CADPS2: variants seen among roughly 807,000 people sequenced by gnomAD.
CADPS2 encodes the protein calcium dependent secretion activator 2.
CADPS2 carries 93 observed loss-of-function variants against 172.5 expected under a neutral mutation model. The observed-to-expected ratio is 0.54, with a 90% CI of 0.46 to 0.64. The LOEUF (loss-of-function observed/expected upper bound fraction) is 0.64, where lower values mean the gene tolerates loss of function less well. Ranked by LOEUF, CADPS2 falls within the 30% of genes least tolerant of loss-of-function variation. The pLI, the probability that CADPS2 is intolerant of heterozygous loss-of-function variation, is 0.00. For missense variants in CADPS2, 1,420 were observed against 1,565.9 expected (o/e 0.91, Z 1.57); for synonymous variants, 546 against 555.2 (o/e 0.98, Z 0.23).
chr7:122,631,826 G>T (rs539899182), intron 3 of CADPS2, among the ~76,000 whole-genome samples: 266 of 152,146 alleles, frequency 1.7e-3, no homozygotes, highest in Middle Eastern at 3.4e-3. Flanking sequence ...GTATCCAATA[G>T]GTAGTTTTTC....
chr7:122,736,918 G>T (rs757120545), intron 2 of CADPS2, 37 bp downstream of exon 2: 4 of 1,019,230 alleles, frequency 3.9e-6, no homozygotes, highest in Non-Finnish European at 6.1e-6. Context: ...CTTTTAAAAT[G>T]CATCGGAAAG....
At chr7:122,430,941 G>C (rs757627943) in intron 17 of CADPS2, among the ~76,000 whole-genome samples, 1 of 152,196 alleles carries the variant, frequency 6.6e-6, no homozygotes, top group Non-Finnish European at 1.5e-5. Context: ...GCAGCACACT[G>C]AATTACAAAA....
At chr7:122,869,730 G>A (rs1819260068) in intron 1 of CADPS2, among the ~76,000 whole-genome samples, 1 of 152,016 alleles carries the variant, frequency 6.6e-6, no homozygotes. Flanking sequence ...CTAGTATGAA[G>A]ATTAAAAGCC....
intron 28 of CADPS2, among the ~76,000 whole-genome samples, chr7:122,340,625 G>A (rs2036622842): frequency 6.6e-6 from 1 of 152,140 alleles, no homozygotes; most frequent in South Asian, 2.1e-4. Flanking sequence ...CTGAAGAAAT[G>A]TACCAGGATC....
intron 2 of CADPS2, among the ~76,000 whole-genome samples, chr7:122,694,739 C>G (rs1004325981): frequency 1.3e-5 from 2 of 152,088 alleles, no homozygotes; most frequent in African/African-American, 4.8e-5. Flanking sequence ...CTTTATTTTT[C>G]ATCATTAAGA....
chr7:122,624,975 G>A (rs565529004), intron 4 of CADPS2, among the ~76,000 whole-genome samples: 11 of 152,148 alleles, frequency 7.2e-5, no homozygotes, highest in South Asian at 4.1e-4. Flanking sequence ...AGCTTTAAAC[G>A]GGGTGGTAGG....
At chr7:122,407,853 T>C in intron 19 of CADPS2, 157 bp from the exon 20 acceptor site, 1 of 645,640 alleles carries the variant, frequency 1.5e-6, no homozygotes, top group Non-Finnish European at 2.6e-6. Flanking sequence ...AAAAATTTTA[T>C]AGGTACACAT....
intron 9 of CADPS2, among the ~76,000 whole-genome samples, chr7:122,499,958 A>G (rs186609135): frequency 3.3e-4 from 50 of 152,272 alleles, no homozygotes; most frequent in Non-Finnish European, 4.4e-5. Context: ...GAGAGAGATG[A>G]AGGGCATGGG....
chr7:122,727,994 T>TGCCACAGCCTGCCA (rs2091277061), intron 2 of CADPS2, among the ~76,000 whole-genome samples: 1 of 151,914 alleles, frequency 6.6e-6, no homozygotes, highest in South Asian at 2.1e-4. Flanking sequence ...TATCTCCTCT[T>TGCCACAGCCTGCCA]GCCACAGCCT....
chr7:122,863,668 A>G (rs551533894), intron 1 of CADPS2, among the ~76,000 whole-genome samples: 13 of 152,372 alleles, frequency 8.5e-5, no homozygotes, highest in Middle Eastern at 3.4e-3. Flanking sequence ...AGCTGTGCAG[A>G]CAAATGTAGT....
At chr7:122,397,376 T>C (rs1333504309) in intron 20 of CADPS2, among the ~76,000 whole-genome samples, 4 of 144,486 alleles carry the variant, frequency 2.8e-5, no homozygotes, top group East Asian at 4.1e-4. Flanking sequence ...TATTATTTCA[T>C]TGGTAATTAG....
chr7:122,547,308 A>G (rs2063728165), intron 8 of CADPS2, among the ~76,000 whole-genome samples: 1 of 152,174 alleles, frequency 6.6e-6, no homozygotes, highest in African/African-American at 2.4e-5. Context: ...ATTTCTTTTT[A>G]ATACAGTCTT....
chr7:122,613,274 TATGA>T (rs1251637509), intron 6 of CADPS2, among the ~76,000 whole-genome samples: 2 of 152,050 alleles, frequency 1.3e-5, no homozygotes, highest in African/African-American at 4.8e-5. Context: ...AAATCACATA[TATGA>T]TGTGGGCCTA....
At chr7:122,608,749 G>C (rs971376123) in intron 6 of CADPS2, among the ~76,000 whole-genome samples, 3 of 152,144 alleles carry the variant, frequency 2.0e-5, no homozygotes, top group African/African-American at 4.8e-5. Flanking sequence ...GAGACAGAGA[G>C]GGTGGCAAAA....
intron 2 of CADPS2, among the ~76,000 whole-genome samples, chr7:122,672,411 G>T (rs1218251825): frequency 6.6e-5 from 10 of 152,074 alleles, no homozygotes; most frequent in African/African-American, 2.4e-4. Flanking sequence ...AGCTGTCATG[G>T]GAATTCCTTA....
Position 122,381,740 on chromosome 7 carries a change from A to G in CADPS2, c.3313-2298T>C, listed in dbSNP as rs73717646. Among the ~76,000 whole-genome samples the G allele has an allele frequency of 5.6e-3, 847 of 152,244 alleles. 7 individuals are homozygous for G. The highest frequency in any genetic ancestry group is 0.02 in the African/African-American group (818 of 41,560). ...GATCTAGCCATAAGCAGAGACAAAG[A>G]GAAAAAGAGGAAGAGATGGGGAGGG... On this transcript the variant is annotated intron_variant, in intron 24 of 29. Coordinates refer to ENST00000449022, the MANE Select transcript of CADPS2 (RefSeq NM_017954.11).
intron 18 of CADPS2, among the ~76,000 whole-genome samples, 186 bp from the exon 19 acceptor site, chr7:122,414,262 T>C (rs867145073): frequency 8.5e-5 from 13 of 152,206 alleles, no homozygotes; most frequent in Non-Finnish European, 1.8e-4. Flanking sequence ...AAATAAGATA[T>C]ACATTTTAAT....
At chr7:122,664,633 T>TCCTC (rs777902652) in intron 2 of CADPS2, among the ~76,000 whole-genome samples, 29 of 152,134 alleles carry the variant, frequency 1.9e-4, no homozygotes, top group Non-Finnish European at 7.3e-5. Flanking sequence ...TTCCTAAGAA[T>TCCTC]CCTCCATAAG....
At chr7:122,780,906 T>C (rs1273251925) in intron 1 of CADPS2, among the ~76,000 whole-genome samples, 4 of 152,202 alleles carry the variant, frequency 2.6e-5, no homozygotes, top group African/African-American at 4.8e-5. Context: ...AAATCACTCT[T>C]ACACATGTAT....
Sources: gnomAD v4.1 joint callset for allele counts (sites outside exome capture counted in the v4.1 genomes callset) on GRCh38, gnomAD v4.1.1 for gene constraint, MANE v1.5 for transcripts, NCBI Gene and HGNC (gene_info 2026-07-23, HGNC 2026-07-21) for gene names.